NRXN3: variants seen among roughly 807,000 people sequenced by gnomAD.
The protein encoded by NRXN3 is neurexin 3.
In NRXN3, 32 loss-of-function variants were observed where a neutral mutation model predicts 137.6. The ratio of observed to expected loss-of-function variants is 0.23; its 90% CI spans 0.18 to 0.31. NRXN3 has a LOEUF of 0.31. Ranked by LOEUF, NRXN3 falls within the 10% of genes least tolerant of loss-of-function variation. The pLI is 1.00. For synonymous variants in NRXN3, 798 were observed against 784.5 expected (o/e 1.02, Z -0.29); for missense variants, 1,574 against 2,062.5 (o/e 0.76, Z 4.59).
intron 8 of NRXN3, among the ~76,000 whole-genome samples, chr14:78,738,151 G>A (rs1595369494): frequency 6.6e-6 from 1 of 152,314 alleles, no homozygotes; most frequent in Non-Finnish European, 1.5e-5. Context: ...TGCTTATGGA[G>A]CACTTCCTAA....
intron 15 of NRXN3, among the ~76,000 whole-genome samples, chr14:79,458,009 A>G (rs867095186): frequency 1.3e-5 from 2 of 152,122 alleles, no homozygotes. Context: ...TTATTCATTT[A>G]TATTTTGCTT....
chr14:79,721,295 G>A (rs926208948), intron 19 of NRXN3, among the ~76,000 whole-genome samples: 9 of 151,984 alleles, frequency 5.9e-5, no homozygotes, highest in South Asian at 2.1e-4. Flanking sequence ...CTTCTCCTTC[G>A]ATATCATTAT....
intron 4 of NRXN3, among the ~76,000 whole-genome samples, chr14:78,630,611 T>TG (rs2097511426): frequency 6.6e-6 from 1 of 150,518 alleles, no homozygotes; most frequent in South Asian, 2.1e-4. Flanking sequence ...TTTTTTTTTT[T>TG]TTGTTGTTTT....
At chr14:79,774,394 C>G (rs143891551) in intron 19 of NRXN3, among the ~76,000 whole-genome samples, 2 of 152,262 alleles carry the variant, frequency 1.3e-5, no homozygotes, top group African/African-American at 2.4e-5. Flanking sequence ...CCTTGCTTAC[C>G]CGAAAGCAAA....
intron 2 of NRXN3, among the ~76,000 whole-genome samples, chr14:78,259,234 C>T (rs540444610): frequency 2.0e-5 from 3 of 152,016 alleles, no homozygotes; most frequent in Non-Finnish European, 2.9e-5. Context: ...TGTTTTTGCA[C>T]ATGACAGAGT....
At chr14:79,549,842 C>T (rs1395411187) in intron 16 of NRXN3, among the ~76,000 whole-genome samples, 6 of 152,060 alleles carry the variant, frequency 3.9e-5, no homozygotes, top group African/African-American at 9.7e-5. Context: ...AGGGGCTCTG[C>T]GGTTGATTGT....
intron 4 of NRXN3, among the ~76,000 whole-genome samples, chr14:78,312,024 T>C (rs1413024427): frequency 6.6e-6 from 1 of 152,178 alleles, no homozygotes; most frequent in Non-Finnish European, 1.5e-5. Context: ...GAACAGACTT[T>C]CTGACTTCAG....
intron 9 of NRXN3, among the ~76,000 whole-genome samples, chr14:78,804,959 A>G (rs1366473022): frequency 2.6e-5 from 4 of 152,224 alleles, no homozygotes; most frequent in Non-Finnish European, 5.9e-5. Context: ...TGTCAGAGCC[A>G]TGGAGAAAAA....
intron 15 of NRXN3, among the ~76,000 whole-genome samples, chr14:79,225,452 G>A (rs2070684143): frequency 6.6e-6 from 1 of 152,126 alleles, no homozygotes; most frequent in South Asian, 2.1e-4. Context: ...TAAAAGTTAG[G>A]GATTCCCAGG....
intron 10 of NRXN3, among the ~76,000 whole-genome samples, chr14:78,873,369 T>G (rs1338904320): frequency 6.6e-6 from 1 of 152,218 alleles, no homozygotes; most frequent in Non-Finnish European, 1.5e-5. Flanking sequence ...AGAAAGCTTG[T>G]GTTTAGTCCA....
chr14:79,567,076 C>G (rs2097557589), intron 16 of NRXN3, among the ~76,000 whole-genome samples: 2 of 152,028 alleles, frequency 1.3e-5, no homozygotes, highest in African/African-American at 4.8e-5. Context: ...CCATCCTAAA[C>G]CTTGCTGATA....
intron 15 of NRXN3, among the ~76,000 whole-genome samples, chr14:79,011,183 A>G (rs1174944687): frequency 2.0e-5 from 3 of 152,170 alleles, no homozygotes; most frequent in Non-Finnish European, 4.4e-5. Context: ...TCTGAAATTA[A>G]TTTTTAGCAT....
At chr14:78,576,659 TTG>T (rs1366944326) in intron 4 of NRXN3, among the ~76,000 whole-genome samples, 1 of 152,158 alleles carries the variant, frequency 6.6e-6, no homozygotes, top group Non-Finnish European at 1.5e-5. Flanking sequence ...AAGTCTCTAT[TTG>T]TGTCACATTC....
chr14:79,389,740 G>A (rs367627514), intron 15 of NRXN3, among the ~76,000 whole-genome samples: 1 of 152,236 alleles, frequency 6.6e-6, no homozygotes. Context: ...TCAAGGACTA[G>A]GGCTTTTATC....
chr14:78,653,053 G>T (rs919718306), intron 6 of NRXN3, among the ~76,000 whole-genome samples: 34 of 152,178 alleles, frequency 2.2e-4, no homozygotes, highest in Non-Finnish European at 5.9e-5. Flanking sequence ...TTGAGAGGAA[G>T]GGGTAGAAAA....
intron 20 of NRXN3, among the ~76,000 whole-genome samples, chr14:79,806,292 A>G (rs2099204852): frequency 6.6e-6 from 1 of 152,236 alleles, no homozygotes; most frequent in Non-Finnish European, 1.5e-5. Context: ...ATAAAAATAA[A>G]AACCTTCCAT....
intron 19 of NRXN3, among the ~76,000 whole-genome samples, chr14:79,741,042 GATCCACTATATTAAATTCTTATAT>G (rs1211400735): frequency 6.6e-6 from 1 of 151,794 alleles, no homozygotes; most frequent in Non-Finnish European, 1.5e-5. Context: ...GGTTAGAGAG[GATCCACTATATTAAATTCTTATAT>G]ATCCCTCAGT....
At chr14:78,660,385 G>C (rs912479739) in intron 6 of NRXN3, among the ~76,000 whole-genome samples, 3 of 151,750 alleles carry the variant, frequency 2.0e-5, no homozygotes, top group Non-Finnish European at 4.4e-5. Context: ...TCCCAGCTCC[G>C]TTAGTGAGCA....
chr14:78,513,970 C>T (rs1376923345), intron 4 of NRXN3, among the ~76,000 whole-genome samples: 1 of 152,098 alleles, frequency 6.6e-6, no homozygotes. Context: ...GGTCAGTTCT[C>T]TTTAATCTGT....
Sources: allele counts gnomAD v4.1 joint callset (sites outside exome capture counted in the v4.1 genomes callset), GRCh38; gene constraint gnomAD v4.1.1; transcripts MANE v1.5; gene names NCBI Gene and HGNC (gene_info 2026-07-23, HGNC 2026-07-21).